Variants in GCA observed in about 807,000 individuals in gnomAD.
GCA encodes grancalcin.
In GCA, 30 loss-of-function variants were observed where a neutral mutation model predicts 32.6. The ratio of observed to expected loss-of-function variants is 0.92; its 90% confidence interval spans 0.69 to 1.25. The LOEUF is 1.25. GCA is among the 50% of genes most tolerant of loss of function. The pLI, the probability that GCA is intolerant of heterozygous loss-of-function variation, is 0.00. For synonymous variants in GCA, 102 were observed against 84.6 expected, an observed-to-expected ratio of 1.21 and a Z score of -1.13; for missense variants, 291 against 266.8, an observed-to-expected ratio of 1.09 and a Z score of -0.63.
Position 162,338,350 on chromosome 2 carries a change from T to A in GCA, c.-30-9228T>A, listed in dbSNP as rs887942555. 6.6e-5 allele frequency among the ~76,000 whole-genome samples: 10 copies of A among 152,258 alleles called. No individual in the cohort carries two copies. In the South Asian group the frequency reaches 2.1e-3, roughly 31 times the overall value. On this transcript the variant is annotated intron_variant, in intron 1 of 4. Coordinates refer to the GCA transcript ENST00000429691. ...ATATTTAAGAATTGGGCCACTTTTA[T>A]GTTTTTGATGAAACGATTTTTAATT... is the stretch of plus-strand genomic sequence containing the variant.
chr2:162,372,849 G>C (rs946513391), downstream of GCA, among the ~76,000 whole-genome samples: 1 of 152,016 alleles, frequency 6.6e-6, no homozygotes. Context: ...TAATTCAAAA[G>C]GACCCCTTTG....
chr2:162,332,124 A>G (rs1214198802), intron 1 of GCA, among the ~76,000 whole-genome samples: 2 of 151,822 alleles, frequency 1.3e-5, no homozygotes, highest in African/African-American at 4.8e-5. Context: ...CCTGGCTAAC[A>G]TGGTGAAACC....
chr2:162,319,118 A>G, exon 1 of GCA: 1 of 456,496 alleles, frequency 2.2e-6, no homozygotes, highest in Non-Finnish European at 4.4e-6. Flanking sequence ...TGAAGCTCAG[A>G]AGACATCTTT....
intron 5 of GCA, among the ~76,000 whole-genome samples, chr2:162,357,823 G>A (rs572393901): frequency 2.4e-4 from 37 of 151,558 alleles, no homozygotes; most frequent in African/African-American, 8.2e-4. Context: ...CAGAGTTCCC[G>A]TTAGGCAGTG....
intron 1 of GCA, among the ~76,000 whole-genome samples, chr2:162,321,188 G>C (rs1683650094): frequency 6.6e-6 from 1 of 152,126 alleles, no homozygotes; most frequent in Non-Finnish European, 1.5e-5. Context: ...TCATGATTTA[G>C]TTTATTTTCT....
At chr2:162,373,721 AT>A, downstream of GCA, 1 of 1,235,046 alleles carries the variant, frequency 8.1e-7, no homozygotes, top group Non-Finnish European at 1.1e-6. Flanking sequence ...TTTCAGGAGC[AT>A]TTAAAAAAAT....
chr2:162,345,802 T>TA (rs1263425405), intron 1 of GCA, among the ~76,000 whole-genome samples: 1 of 152,232 alleles, frequency 6.6e-6, no homozygotes, highest in African/African-American at 2.4e-5. Context: ...GGATAAAACT[T>TA]ACATGATTTC....
intron 1 of GCA, among the ~76,000 whole-genome samples, chr2:162,336,230 G>A (rs916708377): frequency 1.3e-5 from 2 of 152,096 alleles, no homozygotes; most frequent in Admixed American, 1.3e-4. Context: ...TACATGAAAA[G>A]CTATATTTTA....
At position 162,362,201 on chromosome 2, in the gene GCA, A is replaced by G; in HGVS notation, c.*1958A>G. 1.0e-6 allele frequency: 1 copy of G among 984,370 alleles called. No individual in the cohort carries two copies. The highest frequency in any genetic ancestry group is 1.2e-6 in the Non-Finnish European group (1 of 829,208). 61.0% of individuals were successfully genotyped at this position (984,370 alleles called of 1,614,324 possible). ...CTGAAACCCCAAGGTTAATAAAATCAGTCATGTTTAATTTTATTTGACCCA... is the reference window on the plus strand; with the variant it reads ...CTGAAACCCCAAGGTTAATAAAATCGGTCATGTTTAATTTTATTTGACCCA... On this transcript the variant is annotated 3_prime_UTR_variant, in exon 8 of 8. Coordinates refer to ENST00000437150, the MANE Select transcript of GCA (RefSeq NM_012198.5).
At chr2:162,366,540 T>A (rs1685755089), downstream of GCA, among the ~76,000 whole-genome samples, 1 of 151,946 alleles carries the variant, frequency 6.6e-6, no homozygotes, top group African/African-American at 2.4e-5. Flanking sequence ...AACCGAAGTG[T>A]GTTTGTACCA....
At chr2:162,339,661 A>G (rs905555575), upstream of GCA, among the ~76,000 whole-genome samples, 14 of 152,160 alleles carry the variant, frequency 9.2e-5, no homozygotes, top group African/African-American at 3.4e-4. Flanking sequence ...TTATAAAAAG[A>G]GACCCCAGAA....
At chr2:162,373,787 A>G (rs531486731), downstream of GCA, 2 of 516,308 alleles carry the variant, frequency 3.9e-6, no homozygotes, top group African/African-American at 2.0e-5. Context: ...GAAGGACAGG[A>G]GAGGGAGCAC....
chr2:162,344,384 C>G (rs1684571493), intron 1 of GCA, 109 bp downstream of exon 1: 2 of 1,064,574 alleles, frequency 1.9e-6, no homozygotes, highest in African/African-American at 1.6e-5. Context: ...TGCGTCCGCG[C>G]CTGGTACTCG....
Position 162,362,429 on chromosome 2 carries a change from A to C in GCA, c.*2186A>C. On this transcript the variant is annotated 3_prime_UTR_variant, in exon 8 of 8. Coordinates refer to ENST00000437150, the MANE Select transcript of GCA (RefSeq NM_012198.5). The stretch of plus-strand genomic sequence containing the variant: ...AGTTCACTTTTTCGATGCTTTAAAA[A>C]TAACTGATATTTTTATGATGAACAT... The C allele has an allele frequency of 2.1e-6, 2 of 969,390 alleles. No homozygotes were observed. The highest frequency in any genetic ancestry group is 2.5e-6 in the Non-Finnish European group (2 of 815,544). The allele number at this position is 969,390 out of a possible 1,614,324, so 60.0% of individuals were successfully genotyped here. A position where few individuals can be genotyped will look rare whatever the true frequency, so the allele number is the denominator to read the frequency against.
chr2:162,329,086 G>T (rs1683987065), intron 1 of GCA, among the ~76,000 whole-genome samples: 1 of 152,088 alleles, frequency 6.6e-6, no homozygotes, highest in Non-Finnish European at 1.5e-5. Context: ...TTCTATGTCT[G>T]CCTGCTACGG....
At chr2:162,336,638 A>G (rs915384875) in intron 1 of GCA, among the ~76,000 whole-genome samples, 7 of 151,148 alleles carry the variant, frequency 4.6e-5, no homozygotes, top group South Asian at 4.1e-4. Context: ...AAACCTAAGT[A>G]TATCTCTCTC....
At chr2:162,368,294 C>CTT (rs34337459) in intron 4 of GCA, among the ~76,000 whole-genome samples, 24,647 of 151,738 alleles carry the variant, frequency 0.16, 5,425 homozygotes, top group African/African-American at 0.49. Flanking sequence ...TTTTTGATAA[C>CTT]ATAAAAATTT....
upstream of GCA, among the ~76,000 whole-genome samples, chr2:162,342,888 A>G (rs895019697): frequency 6.6e-6 from 1 of 152,220 alleles, no homozygotes; most frequent in Non-Finnish European, 1.5e-5. Flanking sequence ...CCCTTTTGCC[A>G]CGTAGGTTTT....
chr2:162,364,770 A>C (rs995489508), downstream of GCA, among the ~76,000 whole-genome samples: 4 of 151,584 alleles, frequency 2.6e-5, no homozygotes, highest in Non-Finnish European at 5.9e-5. Flanking sequence ...ACTCGGGCAA[A>C]AGAAAATATC....
Sources: gnomAD v4.1 joint callset for allele counts (sites outside exome capture counted in the v4.1 genomes callset) on GRCh38, gnomAD v4.1.1 for gene constraint, MANE v1.5 for transcripts, NCBI Gene and HGNC (gene_info 2026-07-23, HGNC 2026-07-21) for gene names.